The following CPA6 variants were observed in gnomAD, a reference collection of about 807,000 sequenced individuals.
CPA6 encodes carboxypeptidase B.
Under a neutral mutation model 63.3 loss-of-function variants are expected in CPA6, and 58 were observed. The observed-to-expected ratio is 0.92, with a 90% confidence interval of 0.74 to 1.14. The LOEUF (loss-of-function observed/expected upper bound fraction) is 1.14, where lower values mean the gene tolerates loss of function less well. Among genes scored for constraint, CPA6 ranks in the 50% most tolerant of loss-of-function variants. The probability of loss-of-function intolerance (pLI) is 0.00; values close to 1 mark genes in which losing one functional copy is unlikely to be tolerated. For missense variants in CPA6, 565 were observed against 526.6 expected (o/e 1.07, Z -0.71); for synonymous variants, 185 against 179.0 (o/e 1.03, Z -0.27).
chr8:67,478,643 GTGT>G (rs919697656), intron 8 of CPA6, among the ~76,000 whole-genome samples: 1 of 152,218 alleles, frequency 6.6e-6, no homozygotes, highest in Non-Finnish European at 1.5e-5. Flanking sequence ...GGTGTCAGAA[GTGT>G]TGTACTAAGA....
At chr8:67,692,056 G>A (rs1292138186) in intron 1 of CPA6, among the ~76,000 whole-genome samples, 1 of 152,140 alleles carries the variant, frequency 6.6e-6, no homozygotes. Context: ...AAGAGATTGG[G>A]CTGGGTATGG....
chr8:67,551,420 G>A (rs907950021), intron 2 of CPA6, among the ~76,000 whole-genome samples: 2 of 152,196 alleles, frequency 1.3e-5, no homozygotes, highest in African/African-American at 2.4e-5. Flanking sequence ...TTTGGCCACA[G>A]TAGCCTTATA....
chr8:67,735,413 G>T (rs1817792662), intron 1 of CPA6: 1 of 152,208 alleles, frequency 6.6e-6, no homozygotes, highest in African/African-American at 2.4e-5. Flanking sequence ...TGAGGAGATG[G>T]CACCTCCAGT....
intron 2 of CPA6, among the ~76,000 whole-genome samples, chr8:67,615,905 G>T (rs1214782509): frequency 6.6e-6 from 1 of 152,230 alleles, no homozygotes; most frequent in East Asian, 1.9e-4. Flanking sequence ...TTCCAGACAA[G>T]AACAGCTTGA....
intron 2 of CPA6, among the ~76,000 whole-genome samples, chr8:67,520,093 A>G (rs989611347): frequency 2.6e-5 from 4 of 152,136 alleles, no homozygotes; most frequent in African/African-American, 9.7e-5. Flanking sequence ...CCCATTACAG[A>G]GGCAGATTTT....
chr8:67,448,656 G>GAAAAAAAAAAAAAAAAA (rs1810485855), intron 8 of CPA6, among the ~76,000 whole-genome samples: 1 of 68,792 alleles, frequency 1.5e-5, no homozygotes, highest in Non-Finnish European at 2.7e-5. Context: ...AAAAAAAAAG[G>GAAAAAAAAAAAAAAAAA]AAAGAACGAA....
chr8:67,703,540 G>C (rs1420389354), intron 1 of CPA6, among the ~76,000 whole-genome samples: 1 of 152,234 alleles, frequency 6.6e-6, no homozygotes, highest in Non-Finnish European at 1.5e-5. Flanking sequence ...TTGGGGGCAA[G>C]TCTGCTTCTT....
intron 1 of CPA6, among the ~76,000 whole-genome samples, chr8:67,660,370 C>T (rs986147211): frequency 8.2e-6 from 1 of 122,340 alleles, no homozygotes; most frequent in East Asian, 2.4e-4. Flanking sequence ...CACTCTGTCA[C>T]CCAAGCTGGA....
chr8:67,479,626 C>T (rs1811315372), intron 8 of CPA6, among the ~76,000 whole-genome samples: 1 of 152,172 alleles, frequency 6.6e-6, no homozygotes, highest in South Asian at 2.1e-4. Context: ...GCATACTTCA[C>T]AGCAAAGTTT....
chr8:67,512,674 A>C (rs958850033), intron 3 of CPA6, among the ~76,000 whole-genome samples: 1 of 152,170 alleles, frequency 6.6e-6, no homozygotes, highest in Non-Finnish European at 1.5e-5. Flanking sequence ...TTACTTAAAG[A>C]TGTTAGAAAG....
chr8:67,614,611 T>C (rs1426219584), intron 2 of CPA6, among the ~76,000 whole-genome samples: 1 of 152,204 alleles, frequency 6.6e-6, no homozygotes, highest in African/African-American at 2.4e-5. Context: ...ATTATAATAC[T>C]AGAAATCTTT....
At chr8:67,449,325 G>A (rs1810503424) in intron 8 of CPA6, among the ~76,000 whole-genome samples, 1 of 152,166 alleles carries the variant, frequency 6.6e-6, no homozygotes, top group African/African-American at 2.4e-5. Flanking sequence ...TGTTCTATGT[G>A]TCTATTCTCA....
At chr8:67,649,025 C>T (rs1815777129) in intron 1 of CPA6, among the ~76,000 whole-genome samples, 1 of 151,858 alleles carries the variant, frequency 6.6e-6, no homozygotes, top group Non-Finnish European at 1.5e-5. Flanking sequence ...ATGATCTTTA[C>T]ATCTTTGGAG....
At chr8:67,719,317 G>A (rs1340962635) in intron 1 of CPA6, among the ~76,000 whole-genome samples, 1 of 152,170 alleles carries the variant, frequency 6.6e-6, no homozygotes, top group Non-Finnish European at 1.5e-5. Context: ...CAGGAGGAAA[G>A]AATGAGGGGT....
intron 2 of CPA6, among the ~76,000 whole-genome samples, chr8:67,524,621 G>T (rs55969800): frequency 0.4 from 59,362 of 149,668 alleles, 12,222 homozygotes; most frequent in African/African-American, 0.52. Context: ...AACTTTTTTT[G>T]TTTTTTTGCA....
At chr8:67,670,332 A>C (rs538726970) in intron 1 of CPA6, among the ~76,000 whole-genome samples, 2 of 152,180 alleles carry the variant, frequency 1.3e-5, no homozygotes, top group East Asian at 1.9e-4. Context: ...GGCAGGGGGA[A>C]GGTGCCACCC....
At chr8:67,430,054 C>T (rs1265491858) in intron 9 of CPA6, among the ~76,000 whole-genome samples, 1 of 151,152 alleles carries the variant, frequency 6.6e-6, no homozygotes, top group Admixed American at 6.6e-5. Context: ...CTTTTTTCTA[C>T]TGTATCCTGT....
intron 2 of CPA6, among the ~76,000 whole-genome samples, chr8:67,586,504 T>C (rs145966729): frequency 1.2e-4 from 18 of 152,318 alleles, no homozygotes; most frequent in African/African-American, 3.9e-4. Flanking sequence ...GTAGGGATCC[T>C]ACTAGTGTAT....
chr8:67,684,305 T>C (rs1287861944), intron 1 of CPA6, among the ~76,000 whole-genome samples: 1 of 152,130 alleles, frequency 6.6e-6, no homozygotes, highest in Non-Finnish European at 1.5e-5. Flanking sequence ...TTATTGTCTG[T>C]CATGTGTCTT....
Sources: gnomAD v4.1 joint callset for allele counts (sites outside exome capture counted in the v4.1 genomes callset) on GRCh38, gnomAD v4.1.1 for gene constraint, MANE v1.5 for transcripts, NCBI Gene and HGNC (gene_info 2026-07-23, HGNC 2026-07-21) for gene names.